Variants in ZBTB7C observed in about 807,000 individuals in gnomAD.
ZBTB7C encodes the protein zinc finger and BTB domain containing 7C.
A neutral mutation model predicts 25.7 loss-of-function variants in ZBTB7C; 8 were observed. That is an observed-to-expected ratio of 0.31 (90% CI 0.18 to 0.56). The LOEUF (loss-of-function observed/expected upper bound fraction) is 0.56, where lower values mean the gene tolerates loss of function less well. Ranked by LOEUF, ZBTB7C falls within the 20% of genes least tolerant of loss-of-function variation. The pLI, the probability that ZBTB7C is intolerant of heterozygous loss-of-function variation, is 0.91. For missense variants in ZBTB7C, 824 were observed against 855.2 expected (o/e 0.96, Z 0.46); for synonymous variants, 394 against 369.0 (o/e 1.07, Z -0.78).
intron 2 of ZBTB7C, among the ~76,000 whole-genome samples, chr18:48,236,951 T>G (rs182159532): frequency 6.6e-6 from 1 of 152,112 alleles, no homozygotes; most frequent in Non-Finnish European, 1.5e-5. Context: ...AATCCACAGA[T>G]TAGCAATGGC....
rs567081098 is a variant in ZBTB7C at position 48,220,425 on chromosome 18, G to T, written c.-78-34430C>A. ...TTACTTTCCCCAACAGATGCCAGGG[G>T]AGTAAGGCTGCCTCTAGGGAACAAA... On this transcript the variant is annotated intron_variant, in intron 2 of 4. Transcript: ENST00000590800. Among the ~76,000 whole-genome samples the T allele has an allele frequency of 2.6e-5, 4 of 152,288 alleles. No individual in the cohort carries two copies. In the South Asian group the frequency reaches 6.2e-4, roughly 24 times the overall value.
intron 3 of ZBTB7C, among the ~76,000 whole-genome samples, chr18:48,091,589 A>G (rs981575763): frequency 6.6e-6 from 1 of 152,076 alleles, no homozygotes; most frequent in African/African-American, 2.4e-5. Context: ...GGTCTCATTT[A>G]TTAGAGCTTT....
At chr18:48,269,913 C>CT (rs1247072265) in intron 2 of ZBTB7C, among the ~76,000 whole-genome samples, 10 of 152,086 alleles carry the variant, frequency 6.6e-5, no homozygotes, top group Non-Finnish European at 1.2e-4. Flanking sequence ...TAGTAAATGA[C>CT]AAATTCTCAG....
intron 1 of ZBTB7C, among the ~76,000 whole-genome samples, chr18:48,390,933 T>C (rs1202229845): frequency 6.6e-6 from 1 of 152,204 alleles, no homozygotes; most frequent in Non-Finnish European, 1.5e-5. Context: ...TTTACCTTCA[T>C]GTGCTACAGG....
chr18:48,157,404 G>C lies in ZBTB7C; in HGVS notation c.-17+28530C>G, dbSNP rs192316977. ...CAGAGCCTGCTAACTGTGGGCGGAT[G>C]AGGAAACGGAGACAAACCAACCCCA... On this transcript the variant is annotated intron_variant, in intron 3 of 4. Coordinates refer to ENST00000590800, the MANE Select transcript of ZBTB7C (RefSeq NM_001318841.2). Among the ~76,000 whole-genome samples, 173 of 152,270 alleles carry C rather than the reference G, an allele frequency of 1.1e-3. 4 individuals carry two copies. Among genetic ancestry groups the C allele is most frequent in the African/African-American group, 4.1e-3 (171 of 41,532 alleles).
intron 2 of ZBTB7C, among the ~76,000 whole-genome samples, chr18:48,245,377 G>C (rs2043655822): frequency 6.6e-6 from 1 of 151,138 alleles, no homozygotes; most frequent in South Asian, 2.1e-4. Flanking sequence ...AGTGTACACT[G>C]CTCAGGTGAT....
chr18:48,031,452 G>A (rs1220008855), intron 4 of ZBTB7C, among the ~76,000 whole-genome samples: 1 of 152,164 alleles, frequency 6.6e-6, no homozygotes, highest in Non-Finnish European at 1.5e-5. Context: ...ATAGTACTCT[G>A]CTGTGATATC....
intron 2 of ZBTB7C, among the ~76,000 whole-genome samples, chr18:48,326,809 A>C (rs2046231369): frequency 1.3e-5 from 2 of 152,212 alleles, no homozygotes; most frequent in South Asian, 4.1e-4. Flanking sequence ...GCAGGGATGG[A>C]GTAGAAAAAG....
At chr18:48,248,962 C>G (rs923462493) in intron 2 of ZBTB7C, among the ~76,000 whole-genome samples, 1 of 151,708 alleles carries the variant, frequency 6.6e-6, no homozygotes, top group Non-Finnish European at 1.5e-5. Flanking sequence ...ATAAAAACAC[C>G]AAGACCATAA....
In ZBTB7C at chr18:48,027,575, C is replaced by T. The variant is rs980937682; in HGVS notation, c.*1685G>A. On this transcript the variant is annotated 3_prime_UTR_variant, in exon 5 of 5. Transcript: ENST00000590800. Reference sequence around the variant, plus strand: ...GCAATCCTGCTGGCTGGAGTGGCATCCGGTGGTGTGAAGAATCAGGGGGTC... The same window carrying T: ...GCAATCCTGCTGGCTGGAGTGGCATTCGGTGGTGTGAAGAATCAGGGGGTC... The T allele has an allele frequency of 3.9e-5, 6 of 152,206 alleles. No individual in the cohort carries two copies. The highest frequency in any genetic ancestry group is 1.4e-4 in the African/African-American group (6 of 41,432). 9.4% of individuals were successfully genotyped at this position (152,206 alleles called of 1,614,324 possible).
intron 2 of ZBTB7C, among the ~76,000 whole-genome samples, chr18:48,247,671 C>T (rs920876510): frequency 3.3e-5 from 5 of 152,206 alleles, no homozygotes; most frequent in African/African-American, 1.2e-4. Context: ...ACCCAAATCT[C>T]ATCTTGAATG....
chr18:48,127,654 G>A (rs893764905), intron 3 of ZBTB7C, among the ~76,000 whole-genome samples: 1 of 152,212 alleles, frequency 6.6e-6, no homozygotes, highest in African/African-American at 2.4e-5. Context: ...CTCCCCACGT[G>A]AGGCTCACTC....
chr18:48,172,304 T>C (rs1300814875), intron 3 of ZBTB7C, among the ~76,000 whole-genome samples: 2 of 152,188 alleles, frequency 1.3e-5, no homozygotes, highest in Non-Finnish European at 2.9e-5. Context: ...CCCTTAAATG[T>C]CATGATGGCC....
At chr18:48,225,143 C>T (rs1000678561) in intron 2 of ZBTB7C, among the ~76,000 whole-genome samples, 3 of 152,188 alleles carry the variant, frequency 2.0e-5, no homozygotes, top group African/African-American at 2.4e-5. Flanking sequence ...AGCATAAATA[C>T]TCCCCATCTA....
chr18:48,068,520 ACCAGCATCTAGACCCCAACCC>A (rs1568192085), intron 3 of ZBTB7C, among the ~76,000 whole-genome samples: 1 of 151,952 alleles, frequency 6.6e-6, no homozygotes, highest in Admixed American at 6.6e-5. Flanking sequence ...AAAACAAAAC[ACCAGCATCTAGACCCCAACCC>A]CAGACAAGTT....
chr18:48,253,829 T>A (rs1455347668), intron 2 of ZBTB7C, among the ~76,000 whole-genome samples: 1 of 152,200 alleles, frequency 6.6e-6, no homozygotes, highest in Non-Finnish European at 1.5e-5. Context: ...CAGTTATAAT[T>A]AAGCATTAGT....
At chr18:48,065,947 C>G (rs2037313165) in intron 3 of ZBTB7C, among the ~76,000 whole-genome samples, 1 of 152,204 alleles carries the variant, frequency 6.6e-6, no homozygotes, top group Non-Finnish European at 1.5e-5. Context: ...CAGCTCTGCC[C>G]TCTCTGCTCA....
chr18:48,082,033 C>T (rs2038010134), intron 3 of ZBTB7C, among the ~76,000 whole-genome samples: 1 of 152,046 alleles, frequency 6.6e-6, no homozygotes, highest in South Asian at 2.1e-4. Flanking sequence ...GTGGCTGGCA[C>T]AATATTTCTA....
At chr18:48,083,054 G>A (rs988694625) in intron 3 of ZBTB7C, among the ~76,000 whole-genome samples, 5 of 152,078 alleles carry the variant, frequency 3.3e-5, no homozygotes, top group African/African-American at 4.8e-5. Flanking sequence ...ACTATAACCC[G>A]CTATGACATT....
Sources: allele counts gnomAD v4.1 joint callset (sites outside exome capture counted in the v4.1 genomes callset), GRCh38; gene constraint gnomAD v4.1.1; transcripts MANE v1.5; gene names NCBI Gene and HGNC (gene_info 2026-07-23, HGNC 2026-07-21).